ARHGAP45: variants seen among roughly 807,000 people sequenced by gnomAD.
The protein encoded by ARHGAP45 is Rho GTPase activating protein 45.
ARHGAP45 carries 56 observed loss-of-function variants against 116.1 expected under a neutral mutation model. The ratio of observed to expected loss-of-function variants is 0.48; its 90% CI spans 0.39 to 0.60. The LOEUF is 0.60. Among genes scored for constraint, ARHGAP45 ranks in the 20% least tolerant of loss-of-function variants. The pLI, the probability that ARHGAP45 is intolerant of heterozygous loss-of-function variation, is 0.00. For missense variants in ARHGAP45, 1,622 were observed against 1,601.0 expected (o/e 1.01, Z -0.22); for synonymous variants, 866 against 701.7 (o/e 1.23, Z -3.70).
rs2145066754 is a variant in ARHGAP45, at chr19:1,080,288, C to A, written c.1737C>A (p.Phe579Leu). 6.2e-7 allele frequency: 1 copy of A among 1,612,570 alleles called. No individual in the cohort carries two copies. Among genetic ancestry groups the A allele is most frequent in the Non-Finnish European group, 8.5e-7 (1 of 1,179,850 alleles). ...TCATGCGTGCCCGGAAGAGCAGCTT[C>A]AACGTGAGTGATGTGGCGCGGCCGG... is the stretch of plus-strand genomic sequence containing the variant. ...SPVMRARKSSFNVSDVARPEA... is the reference protein window; with the variant it reads ...SPVMRARKSSLNVSDVARPEA... Residue 579 changes from phenylalanine (F) to leucine (L), a missense_variant, in exon 14 of 23, where the codon TTC becomes TTA. Physicochemically the swap from Phe to Leu is conservative, Grantham distance 22. Coordinates refer to ENST00000313093, the MANE Select transcript of ARHGAP45 (RefSeq NM_012292.5).
chr19:1,079,635 T>C, intron 11 of ARHGAP45, 68 bp from the exon 12 acceptor site: 1 of 1,563,360 alleles, frequency 6.4e-7, no homozygotes, highest in South Asian at 1.2e-5. Context: ...CCCGCCTCCC[T>C]GAGGTTTCTG....
In ARHGAP45 at chr19:1,083,332, G is replaced by A. The variant is rs987389439; in HGVS notation, c.2934G>A (p.Pro978=). The change falls in exon 21 of 23, where the codon CCG becomes CCA. Residue 978 remains proline (P), a synonymous_variant. Coordinates refer to ENST00000313093, the MANE Select transcript of ARHGAP45 (RefSeq NM_012292.5). ...VHYGLVFEEE[P]EETPGGQDES... Reference sequence around the variant, plus strand: ...ACGGCCTGGTCTTCGAGGAGGAGCCGGAGGAGACCCCCGGGGGCCAGGTGA... The same window carrying A: ...ACGGCCTGGTCTTCGAGGAGGAGCCAGAGGAGACCCCCGGGGGCCAGGTGA... 16 of 1,555,492 alleles carry A rather than the reference G, an allele frequency of 1.0e-5. No individual in the cohort carries two copies. Among genetic ancestry groups the A allele is most frequent in the Middle Eastern group, 3.9e-4 (2 of 5,140 alleles).
rs1041475891 is a variant in ARHGAP45 at position 1,071,947 on chromosome 19, C to A, written c.422-1202C>A. ...GGGTACCTTTCCCCTCCTACGAATT[C>A]CGTGGGTTTGTTTCCACTACGTGGT... is the stretch of plus-strand genomic sequence containing the variant. On this transcript the variant is annotated intron_variant, in intron 2 of 22. Transcript: ENST00000313093. This position sits in a 1 kb window ranked among gnomAD's most constrained non-coding sequence, Gnocchi z 4.6. 6.6e-6 allele frequency among the ~76,000 whole-genome samples: 1 copy of A among 152,174 alleles called. No individual in the cohort carries two copies. Among genetic ancestry groups the A allele is most frequent in the Admixed American group, 6.5e-5 (1 of 15,274 alleles).
At position 1,083,072 on chromosome 19, in the gene ARHGAP45, TC is replaced by T. The variant is rs984343244; in HGVS notation, c.2744+9del. 1.9e-6 allele frequency: 3 copies of T among 1,553,536 alleles called. No homozygotes were observed. The East Asian group carries it at 7.1e-5, about 37-fold the overall frequency. On this transcript the variant is annotated splice_region_variant and intron_variant, in intron 20 of 22. Coordinates refer to ENST00000313093, the MANE Select transcript of ARHGAP45 (RefSeq NM_012292.5). ...CTGCTGCGTCACCTACGCAGGTGAG[TC>T]CCGGCATATGGAGTGGAGGGCGCGG...
rs1253370268 is a variant in ARHGAP45 at position 1,073,142 on chromosome 19, C to G, written c.422-7C>G. 1.2e-6 allele frequency: 2 copies of G among 1,602,942 alleles called. No homozygotes were observed. Among genetic ancestry groups the G allele is most frequent in the South Asian group, 1.1e-5 (1 of 90,932 alleles). ...ACCCCACTGCTCACTCCGACTCTCC[C>G]CAGCAGACCTCCTTGAGGCCCGCCG... is the stretch of plus-strand genomic sequence containing the variant. On this transcript the variant is annotated splice_region_variant and splice_polypyrimidine_tract_variant and intron_variant, in intron 2 of 22. Coordinates refer to ENST00000313093, the MANE Select transcript of ARHGAP45 (RefSeq NM_012292.5).
rs1358682082 is a variant in ARHGAP45 at position 1,083,049 on chromosome 19, G to T, written c.2727G>T (p.Leu909=). 6.5e-7 allele frequency: 1 copy of T among 1,547,632 alleles called. No homozygotes were observed. The highest frequency in any genetic ancestry group is 8.7e-7 in the Non-Finnish European group (1 of 1,151,294). The part of the protein sequence containing the change: ...PPENRASLQY[L]LRHLRRIVEV... ...AGAACCGGGCCTCGCTGCAGTACCT[G>T]CTGCGTCACCTACGCAGGTGAGTCC... Residue 909 remains leucine, a synonymous_variant, in exon 20 of 23, where the codon CTG becomes CTT. Transcript: ENST00000313093.
In ARHGAP45 at chr19:1,081,807, C is replaced by T. The variant is rs2043447157; in HGVS notation, c.2380-17C>T. 2 of 1,595,690 alleles carry T rather than the reference C, an allele frequency of 1.3e-6. No individual in the cohort carries two copies. Among genetic ancestry groups the T allele is most frequent in the Non-Finnish European group, 1.7e-6 (2 of 1,171,646 alleles). On this transcript the variant is annotated splice_polypyrimidine_tract_variant and intron_variant, in intron 18 of 22. Transcript: ENST00000313093. ...GGGCCGAGGCTGATGGGCCTCCCCA[C>T]CCCCGGGCTCCCGCAGGGCATCTAC...
chr19:1,066,071 T>G (rs2043024773), upstream of ARHGAP45: 2 of 1,535,686 alleles, frequency 1.3e-6, no homozygotes, highest in Non-Finnish European at 1.7e-6. Flanking sequence ...GGGCTGGGTT[T>G]GCACTTGGAC....
rs540783072 is a variant in ARHGAP45 at position 1,078,118 on chromosome 19, C to G, written c.1374+73C>G. 137 of 1,475,018 alleles carry G rather than the reference C, an allele frequency of 9.3e-5. 1 individual carries two copies. In the East Asian group the frequency reaches 3.1e-3, roughly 34 times the overall value. The allele number at this position is 1,475,018 out of a possible 1,614,324, so 91.4% of individuals were successfully genotyped here. Reference sequence around the variant, plus strand: ...CAATGCTTGGTGTGACATTTACTACCTCCAGACCTTTGTTTTTGTTTTTTT... The same window carrying G: ...CAATGCTTGGTGTGACATTTACTACGTCCAGACCTTTGTTTTTGTTTTTTT... On this transcript the variant is annotated intron_variant, in intron 11 of 22. Transcript: ENST00000313093.
At chr19:1,067,956 G>A (rs2043069847) in intron 1 of ARHGAP45, among the ~76,000 whole-genome samples, 1 of 44,132 alleles carries the variant, frequency 2.3e-5, no homozygotes, top group Non-Finnish European at 3.9e-5. Context: ...TACAAAGCTG[G>A]GGGGGGGGTC....
chr19:1,083,631 CCCCGTTTCCCAT>C (rs1313797454), intron 21 of ARHGAP45, among the ~76,000 whole-genome samples: 2 of 152,220 alleles, frequency 1.3e-5, no homozygotes, highest in African/African-American at 2.4e-5. Flanking sequence ...CAGCTTCCTT[CCCCGTTTCCCAT>C]CCCGGTGCTG....
chr19:1,085,537 TCCTGTCTCTCCATCTCTCTCCCCCCTC>T, intron 22 of ARHGAP45, 96 bp from the exon 23 acceptor site: 1 of 659,638 alleles, frequency 1.5e-6, no homozygotes, highest in South Asian at 2.0e-5. Context: ...TCCCCATCTC[TCCTGTCTCTCCATCTCTCTCCCCCCTC>T]TCCTGTCTCT....
At position 1,079,951 on chromosome 19, in the gene ARHGAP45, G is replaced by GATGCAT; in HGVS notation, c.1542_1547dup (p.His514_Met515dup). On this transcript the variant is annotated inframe_insertion, in exon 13 of 23. Coordinates refer to ENST00000313093, the MANE Select transcript of ARHGAP45 (RefSeq NM_012292.5). Reference sequence around the variant, plus strand: ...AGGCCACGATCTCCTACTACCAGATGATGCATATGCAGACGGCGCCGCTGC... The same window carrying GATGCAT: ...AGGCCACGATCTCCTACTACCAGATGATGCATATGCATATGCAGACGGCGCCGCTGC... 6.2e-7 allele frequency: 1 copy of GATGCAT among 1,611,714 alleles called. No individual in the cohort carries two copies. The highest frequency in any genetic ancestry group is 8.5e-7 in the Non-Finnish European group (1 of 1,178,982).
In ARHGAP45 at chr19:1,080,108, G is replaced by C. The variant is rs771559388; in HGVS notation, c.1693G>C (p.Ala565Pro). 1 of 1,611,670 alleles carries C rather than the reference G, an allele frequency of 6.2e-7. No homozygotes were observed. The highest frequency in any genetic ancestry group is 1.7e-5 in the Admixed American group (1 of 59,984). ...VHYDFEPHVS[A>P]NAWSPVMRAR... ...CTACGACTTTGAGCCCCACGTCTCC[G>C]CCAACGCCTGGTACCGCCACCCAGC... The change falls in exon 13 of 23, where the codon GCC (alanine) becomes CCC (proline). Residue 565 changes from alanine (A) to proline (P), a missense_variant. By Grantham distance (27) the Ala-to-Pro change is conservative (BLOSUM62 -1). Transcript: ENST00000313093.
intron 10 of ARHGAP45, among the ~76,000 whole-genome samples, chr19:1,076,717 G>A (rs757282420): frequency 5.3e-5 from 8 of 151,516 alleles, no homozygotes; most frequent in Non-Finnish European, 1.0e-4. Flanking sequence ...GGCTGGTCTC[G>A]AACTCCTGAC....
rs1265495565 is a variant in ARHGAP45 at position 1,085,837 on chromosome 19, C to T, written c.3242C>T (p.Thr1081Ile). 6.2e-7 allele frequency: 1 copy of T among 1,611,900 alleles called. No individual in the cohort carries two copies. The highest frequency in any genetic ancestry group is 1.3e-5 in the African/African-American group (1 of 74,166). The change falls in exon 23 of 23, where the codon ACA (threonine) becomes ATA (isoleucine). Residue 1081 changes from threonine to isoleucine, a missense_variant. Thr to Ile is a moderately conservative substitution (Grantham distance 89, BLOSUM62 -1). Around this residue, in one of 3 missense-constraint regions of ARHGAP45, gnomAD observed 1,334 missense variants for 1,263.8 expected, o/e 1.06. Coordinates refer to ENST00000313093, the MANE Select transcript of ARHGAP45 (RefSeq NM_012292.5). ...GGCAGTGAGGAGCAGCTGGAGGCCACAGCCCGGGAGGACGGGGACGGGGAC... is the reference window on the plus strand; with the variant it reads ...GGCAGTGAGGAGCAGCTGGAGGCCATAGCCCGGGAGGACGGGGACGGGGAC... ...HSGSEEQLEA[T>I]AREDGDGDED... is the part of the protein sequence containing the mutation.
In ARHGAP45 at chr19:1,067,398, G is replaced by GC. The variant is rs751762290; in HGVS notation, c.-4dup. ...CCGCCCCCTCGGGCTCCCGGCCGGG[G>GC]CCCCATCATGTTCTCCAGGAAGAAA... is the stretch of plus-strand genomic sequence containing the variant. On this transcript the variant is annotated 5_prime_UTR_variant, in exon 1 of 23. Transcript: ENST00000313093. 4 of 1,568,822 alleles carry GC rather than the reference G, an allele frequency of 2.5e-6. No homozygotes were observed. The African/African-American group carries it at 5.5e-5, about 22-fold the overall frequency.
At chr19:1,078,120 C>G (rs1339549392) in intron 11 of ARHGAP45, 75 bp downstream of exon 11, 15 of 1,474,026 alleles carry the variant, frequency 1.0e-5, no homozygotes, top group South Asian at 4.0e-5. Flanking sequence ...TTTACTACCT[C>G]CAGACCTTTG....
Position 1,085,934 on chromosome 19 carries a change from G to A in ARHGAP45, c.3339G>A (p.Leu1113=), listed in dbSNP as rs764907474. Residue 1113 remains leucine (L), a synonymous_variant, in exon 23 of 23, where the codon CTG becomes CTA. Coordinates refer to ENST00000313093, the MANE Select transcript of ARHGAP45 (RefSeq NM_012292.5). ...CCAACAACGTGCTGCAGGCCCCACT[G>A]CCCCCCATGAGGCTCCGTGGCGGGC... ...NQSNNVLQAP[L]PPMRLRGGRM... is the part of the protein sequence containing the mutation. 2 of 1,612,938 alleles carry A rather than the reference G, an allele frequency of 1.2e-6. No homozygotes were observed. The highest frequency in any genetic ancestry group is 1.1e-5 in the South Asian group (1 of 91,086).
Sources: allele counts gnomAD v4.1 joint callset (sites outside exome capture counted in the v4.1 genomes callset), GRCh38; gene constraint gnomAD v4.1.1; regional missense constraint gnomAD v4.1.1; non-coding constraint Gnocchi (gnomAD v3.1); transcripts MANE v1.5; gene names NCBI Gene and HGNC (gene_info 2026-07-23, HGNC 2026-07-21).